Variants in POLR2E observed in about 807,000 individuals in gnomAD.
The protein encoded by POLR2E is DNA-directed RNA polymerases I, II, and III subunit RPABC1.
Under a neutral mutation model 29.8 loss-of-function variants are expected in POLR2E, and 35 were observed. The observed-to-expected ratio is 1.17, with a 90% confidence interval of 0.90 to 1.55. POLR2E has a LOEUF of 1.55. Among genes scored for constraint, POLR2E ranks in the 40% most tolerant of loss-of-function variants. The pLI is 0.00. For synonymous variants in POLR2E, 174 were observed against 112.6 expected (o/e 1.55, Z -3.45); for missense variants, 287 against 288.6 (o/e 0.99, Z 0.04).
rs374965254 is a variant in POLR2E at position 1,090,127 on chromosome 19, C to T, written c.448G>A (p.Val150Ile). The change falls in exon 5 of 8, where the codon GTC becomes ATC. Residue 150 changes from valine (V) to isoleucine (I), a missense_variant. By Grantham distance (29) the Val-to-Ile change is conservative. Coordinates refer to ENST00000615234, the MANE Select transcript of POLR2E (RefSeq NM_002695.5). ...TCTGTCACCTCCTCCTTGGTCATGACGACGTGCTCAGGGACTAGCTGCCGA... is the reference window on the plus strand; with the variant it reads ...TCTGTCACCTCCTCCTTGGTCATGATGACGTGCTCAGGGACTAGCTGCCGA... ...TEHELVPEHV[V>I]MTKEEVTELL... 8.7e-6 allele frequency: 14 copies of T among 1,612,508 alleles called. No individual in the cohort carries two copies. The highest frequency in any genetic ancestry group is 4.4e-5 in the South Asian group (4 of 91,074).
chr19:1,092,882 C>CAAAA (rs35413641), intron 2 of POLR2E, among the ~76,000 whole-genome samples: 19 of 67,918 alleles, frequency 2.8e-4, no homozygotes, highest in African/African-American at 8.0e-4. Context: ...GACTCAGTCT[C>CAAAA]AAAAAAAAAA....
intron 3 of POLR2E, 175 bp downstream of exon 3, chr19:1,091,617 A>T: frequency 1.7e-6 from 1 of 598,706 alleles, no homozygotes; most frequent in Non-Finnish European, 3.0e-6. Context: ...GGTGGGGCCC[A>T]TGGACGCGGT....
intron 4 of POLR2E, 81 bp from the exon 5 acceptor site, chr19:1,090,226 C>T (rs886104635): frequency 5.1e-6 from 6 of 1,185,672 alleles, no homozygotes; most frequent in Admixed American, 3.6e-5. Flanking sequence ...ACAGCCCCTG[C>T]GCCTTCAGAC....
rs1428982211 is a variant in POLR2E at position 1,091,845 on chromosome 19, T to G, written c.295A>C (p.Ile99Leu). Reference sequence around the variant, plus strand: ...TGCACCACGATGAGAGCCCGTGTGATGTTCTCCTCCTGCATGCGCTGGCAG... The same window carrying G: ...TGCACCACGATGAGAGCCCGTGTGAGGTTCTCCTCCTGCATGCGCTGGCAG... ...VYCQRMQEEN[I>L]TRALIVVQQG... The change falls in exon 3 of 8, where the codon ATC becomes CTC. Residue 99 changes from isoleucine to leucine, a missense_variant. Coordinates refer to ENST00000615234, the MANE Select transcript of POLR2E (RefSeq NM_002695.5). 1 of 1,613,308 alleles carries G rather than the reference T, an allele frequency of 6.2e-7. No individual in the cohort carries two copies. The highest frequency in any genetic ancestry group is 1.3e-5 in the African/African-American group (1 of 75,032).
At chr19:1,094,265 G>A in intron 1 of POLR2E, 187 bp from the exon 2 acceptor site, 1 of 565,428 alleles carries the variant, frequency 1.8e-6, no homozygotes, top group Non-Finnish European at 3.1e-6. Context: ...GATGGGACCA[G>A]TATGATCCTG....
rs2145122403 is a variant in POLR2E at position 1,087,299 on chromosome 19, T to TGC, written c.*1434_*1435dup. The TGC allele has an allele frequency of 6.6e-6, 1 of 152,334 alleles. No individual in the cohort carries two copies. Among genetic ancestry groups the TGC allele is most frequent in the African/African-American group, 2.4e-5 (1 of 41,536 alleles). 9.4% of individuals were successfully genotyped at this position (152,334 alleles called of 1,614,324 possible). A position where few individuals can be genotyped will look rare whatever the true frequency, so the allele number is the denominator to read the frequency against. On this transcript the variant is annotated 3_prime_UTR_variant, in exon 8 of 8. Transcript: ENST00000615234. ...TCCCAAGTAGCTGGGATTACAGGCA[T>TGC]GCACCACCACGCCCAGGTAATTTTT...
intron 1 of POLR2E, chr19:1,094,343 AG>A (rs2043898888): frequency 2.2e-6 from 1 of 457,944 alleles, no homozygotes; most frequent in South Asian, 3.6e-5. Context: ...GAAACCTGGC[AG>A]GGAGCAAAGC....
rs770339236 is a variant in POLR2E, at chr19:1,089,473, T to C, written c.*13A>G. On this transcript the variant is annotated splice_region_variant and 3_prime_UTR_variant, in exon 7 of 8. Transcript: ENST00000615234. Reference sequence around the variant, plus strand: ...GTGCCTGTCCCTCGGCCGTCTCACCTGTCAGGCGGTAGCTACTGCACCAGC... The same window carrying C: ...GTGCCTGTCCCTCGGCCGTCTCACCCGTCAGGCGGTAGCTACTGCACCAGC... 5 of 1,609,326 alleles carry C rather than the reference T, an allele frequency of 3.1e-6. 1 individual carries two copies. In the Admixed American group the frequency reaches 8.3e-5, roughly 27 times the overall value.
chr19:1,095,139 G>C (rs1364185668), intron 1 of POLR2E, 120 bp downstream of exon 1: 6 of 1,058,646 alleles, frequency 5.7e-6, no homozygotes, highest in Middle Eastern at 3.0e-4. Context: ...CTCCCGTATC[G>C]GCCCGGCCCT....
At chr19:1,093,029 G>A (rs1164153103) in intron 2 of POLR2E, among the ~76,000 whole-genome samples, 1 of 151,884 alleles carries the variant, frequency 6.6e-6, no homozygotes, top group Non-Finnish European at 1.5e-5. Context: ...CTACTAAAAT[G>A]CAAAGAAAAA....
Position 1,093,287 on chromosome 19 carries a change from C to T in POLR2E, c.232+617G>A, listed in dbSNP as rs1466761540. On this transcript the variant is annotated intron_variant, in intron 2 of 7. Coordinates refer to ENST00000615234, the MANE Select transcript of POLR2E (RefSeq NM_002695.5). Reference sequence around the variant, plus strand: ...CCACTGATTAATTCTGGGCGTGGGGCTGCGCCCCTAAGGCGCTTGCAATCC... The same window carrying T: ...CCACTGATTAATTCTGGGCGTGGGGTTGCGCCCCTAAGGCGCTTGCAATCC... 2.0e-5 allele frequency among the ~76,000 whole-genome samples: 3 copies of T among 152,370 alleles called. No individual in the cohort carries two copies. In the East Asian group the frequency reaches 5.8e-4, roughly 29 times the overall value.
At chr19:1,095,196 C>A (rs2043914652) in intron 1 of POLR2E, 63 bp downstream of exon 1, 1 of 1,529,068 alleles carries the variant, frequency 6.5e-7, no homozygotes, top group African/African-American at 1.4e-5. Context: ...CCGTGCTCGA[C>A]CCCACCTCGG....
chr19:1,095,171 G>C (rs2043914192), intron 1 of POLR2E, 88 bp downstream of exon 1: 5 of 1,359,570 alleles, frequency 3.7e-6, no homozygotes, highest in Admixed American at 1.8e-5. Flanking sequence ...GCTCCGACGA[G>C]AGTACGAGGA....
In POLR2E at chr19:1,090,091, G is replaced by A. The variant is rs759797327; in HGVS notation, c.484C>T (p.Arg162Ter). 25 of 1,612,302 alleles carry A rather than the reference G, an allele frequency of 1.6e-5. No individual in the cohort carries two copies. Among genetic ancestry groups the A allele is most frequent in the South Asian group, 4.4e-5 (4 of 91,064 alleles). ...CGGTGGGGCTGGAAAGGATACTATC[G>A]GGCCAGCAGCTCTGTCACCTCCTCC... is the stretch of plus-strand genomic sequence containing the variant. The part of the protein sequence containing the change: ...TKEEVTELLA[R>*]YKLRENQLPR... Residue 162 changes from arginine (R) to a stop codon, truncating the protein, a stop_gained, in exon 5 of 8, where the codon CGA (arginine) becomes TGA (stop). Coordinates refer to ENST00000615234, the MANE Select transcript of POLR2E (RefSeq NM_002695.5). LOFTEE classifies it high-confidence loss of function.
intron 1 of POLR2E, chr19:1,094,983 C>T (rs2043910205): frequency 2.1e-6 from 1 of 470,870 alleles, no homozygotes; most frequent in Admixed American, 3.8e-5. Flanking sequence ...GCGGCTTCCT[C>T]CTCCTCTCGC....
rs1257747135 is a variant in POLR2E, at chr19:1,089,549, C to T, written c.570G>A (p.Val190=). Residue 190 remains valine, a splice_region_variant and synonymous_variant, in exon 7 of 8, where the codon GTG becomes GTA. Transcript: ENST00000615234. ...ARYFGIKRGQ[V]VKIIRPSETA... ...TCTCACTGGGCCGGATGATCTTCAC[C>T]ACCTGCAGAGACAGAGAGCAGGGGC... 6.2e-7 allele frequency: 1 copy of T among 1,613,546 alleles called. No homozygotes were observed. Among genetic ancestry groups the T allele is most frequent in the African/African-American group, 1.3e-5 (1 of 75,048 alleles).
At chr19:1,093,357 G>C (rs1253050818) in intron 2 of POLR2E, among the ~76,000 whole-genome samples, 5 of 152,256 alleles carry the variant, frequency 3.3e-5, no homozygotes, top group Non-Finnish European at 5.9e-5. Context: ...AGGCAGACAG[G>C]TGCGGAGACT....
At chr19:1,090,783 C>A (rs938532156) in intron 4 of POLR2E, 125 bp downstream of exon 4, 10 of 794,306 alleles carry the variant, frequency 1.3e-5, no homozygotes, top group East Asian at 1.1e-4. Flanking sequence ...CCTTTGAGAA[C>A]CCTGTCCTCC....
intron 2 of POLR2E, among the ~76,000 whole-genome samples, 180 bp from the exon 3 acceptor site, chr19:1,092,087 A>G (rs2043845214): frequency 6.6e-6 from 1 of 152,114 alleles, no homozygotes; most frequent in South Asian, 2.1e-4. Flanking sequence ...AGGGGAAGAG[A>G]GGGCTGAAAC....
Sources: gnomAD v4.1 joint callset for allele counts (sites outside exome capture counted in the v4.1 genomes callset) on GRCh38, gnomAD v4.1.1 for gene constraint, MANE v1.5 for transcripts, NCBI Gene and HGNC (gene_info 2026-07-23, HGNC 2026-07-21) for gene names.